The following KCNIP4 variants were observed in gnomAD, a reference collection of about 807,000 sequenced individuals.
KCNIP4 encodes potassium voltage-gated channel interacting protein 4.
A neutral mutation model predicts 34.0 loss-of-function variants in KCNIP4; 12 were observed. The ratio of observed to expected loss-of-function variants is 0.35; its 90% CI spans 0.23 to 0.57. The LOEUF is 0.57. Among genes scored for constraint, KCNIP4 ranks in the 20% least tolerant of loss-of-function variants. KCNIP4 has a pLI of 0.83. For missense variants in KCNIP4, 238 were observed against 311.7 expected (o/e 0.76, Z 1.78); for synonymous variants, 124 against 102.2 (o/e 1.21, Z -1.29).
chr4:21,467,417 T>C (rs1730085791), intron 1 of KCNIP4, among the ~76,000 whole-genome samples: 1 of 152,136 alleles, frequency 6.6e-6, no homozygotes, highest in Non-Finnish European at 1.5e-5. Flanking sequence ...GCAGCCTGCC[T>C]CATTGCTCAC....
At position 21,465,933 on chromosome 4, in the gene KCNIP4, C is replaced by T. The variant is rs1266195019; in HGVS notation, c.61+482638G>A. Among the ~76,000 whole-genome samples the T allele has an allele frequency of 2.0e-5, 3 of 152,134 alleles. No individual in the cohort carries two copies. In the East Asian group the frequency reaches 5.8e-4, roughly 29 times the overall value. ...CCTGCAAACAACGTGTATACTCTTC[C>T]CTGGAGCAAGAACACCAAAGAAGTG... On this transcript the variant is annotated intron_variant, in intron 1 of 8. Transcript: ENST00000382152.
At chr4:21,888,477 G>T (rs1726911908) in intron 1 of KCNIP4, among the ~76,000 whole-genome samples, 1 of 151,952 alleles carries the variant, frequency 6.6e-6, no homozygotes, top group South Asian at 2.1e-4. Flanking sequence ...TAATAATGTT[G>T]CACCCAAAGC....
intron 1 of KCNIP4, among the ~76,000 whole-genome samples, chr4:21,408,377 A>G (rs1386493885): frequency 3.9e-5 from 6 of 152,192 alleles, no homozygotes; most frequent in Admixed American, 3.3e-4. Context: ...GAATGAATTT[A>G]GAGCAACGTA....
chr4:21,795,854 G>A (rs1310470559), intron 1 of KCNIP4, among the ~76,000 whole-genome samples: 2 of 152,100 alleles, frequency 1.3e-5, no homozygotes, highest in East Asian at 1.9e-4. Flanking sequence ...GATCACCTGA[G>A]GCCAGGAGTT....
chr4:20,900,303 A>G (rs561106377), intron 1 of KCNIP4, among the ~76,000 whole-genome samples: 2 of 152,344 alleles, frequency 1.3e-5, no homozygotes, highest in African/African-American at 4.8e-5. Flanking sequence ...TCACTTATAA[A>G]GGAAGAAATG....
At chr4:21,074,299 T>C (rs1338453026) in intron 1 of KCNIP4, among the ~76,000 whole-genome samples, 1 of 152,166 alleles carries the variant, frequency 6.6e-6, no homozygotes, top group Non-Finnish European at 1.5e-5. Flanking sequence ...CTATTAATTA[T>C]TGCCTCAATT....
intron 3 of KCNIP4, among the ~76,000 whole-genome samples, chr4:20,792,953 T>C (rs938745047): frequency 5.9e-5 from 9 of 152,162 alleles, no homozygotes; most frequent in African/African-American, 1.7e-4. Context: ...ACTAAAACTT[T>C]CATGTACATC....
intron 1 of KCNIP4, among the ~76,000 whole-genome samples, chr4:21,443,484 A>T (rs975301700): frequency 6.6e-6 from 1 of 152,250 alleles, no homozygotes; most frequent in Non-Finnish European, 1.5e-5. Flanking sequence ...TAATATTTAA[A>T]TAAGTAGACT....
chr4:21,689,576 C>T (rs894897451), intron 1 of KCNIP4, among the ~76,000 whole-genome samples: 1 of 151,956 alleles, frequency 6.6e-6, no homozygotes, highest in Non-Finnish European at 1.5e-5. Flanking sequence ...AACACATTTT[C>T]AGAATATAAA....
intron 1 of KCNIP4, among the ~76,000 whole-genome samples, chr4:21,265,587 A>G (rs1761750166): frequency 6.6e-6 from 1 of 152,210 alleles, no homozygotes; most frequent in African/African-American, 2.4e-5. Context: ...ATAGGAAATA[A>G]TAGCAACAGA....
chr4:20,946,963 A>G (rs1272574237), intron 1 of KCNIP4, among the ~76,000 whole-genome samples: 2 of 152,052 alleles, frequency 1.3e-5, no homozygotes, highest in African/African-American at 4.8e-5. Flanking sequence ...GAGCCTGCCT[A>G]TATGTATTTT....
intron 1 of KCNIP4, among the ~76,000 whole-genome samples, chr4:21,082,824 T>C (rs922192294): frequency 1.3e-5 from 2 of 151,790 alleles, no homozygotes; most frequent in Admixed American, 1.3e-4. Context: ...AAAATGACTA[T>C]GTGGTGCTCC....
At chr4:21,907,581 A>C (rs1472173700) in intron 1 of KCNIP4, among the ~76,000 whole-genome samples, 3 of 152,122 alleles carry the variant, frequency 2.0e-5, no homozygotes, top group Non-Finnish European at 4.4e-5. Flanking sequence ...TTTATTTAGA[A>C]ATGAACTTTA....
chr4:21,406,435 C>T (rs1424801520), intron 1 of KCNIP4, among the ~76,000 whole-genome samples: 3 of 152,206 alleles, frequency 2.0e-5, no homozygotes, highest in Admixed American at 2.0e-4. Flanking sequence ...CTAGTAACCA[C>T]TGTGTTCCTC....
chr4:20,959,314 A>G (rs1315231100), intron 1 of KCNIP4, among the ~76,000 whole-genome samples: 1 of 152,188 alleles, frequency 6.6e-6, no homozygotes, highest in South Asian at 2.1e-4. Flanking sequence ...TTGCTACCCT[A>G]TAATGTACTT....
intron 1 of KCNIP4, among the ~76,000 whole-genome samples, chr4:21,214,284 A>G (rs6448037): frequency 0.52 from 79,483 of 152,010 alleles, 23,359 homozygotes; most frequent in African/African-American, 0.81. Flanking sequence ...AACTCAGATG[A>G]CATCTCCTTC....
intron 1 of KCNIP4, among the ~76,000 whole-genome samples, chr4:21,290,856 A>G (rs1763406337): frequency 1.3e-5 from 2 of 152,200 alleles, no homozygotes; most frequent in Non-Finnish European, 2.9e-5. Context: ...TAGATGTAAG[A>G]GCACATTACC....
intron 1 of KCNIP4, among the ~76,000 whole-genome samples, chr4:21,702,126 C>A (rs979178832): frequency 2.6e-5 from 4 of 152,168 alleles, no homozygotes; most frequent in African/African-American, 9.6e-5. Flanking sequence ...GTGGCTAAAA[C>A]AACAGACATT....
intron 1 of KCNIP4, among the ~76,000 whole-genome samples, chr4:21,368,004 T>A (rs932076123): frequency 6.8e-6 from 1 of 147,200 alleles, no homozygotes; most frequent in South Asian, 2.1e-4. Context: ...TCTCAACACC[T>A]CTTGCCAGGC....
Sources: gnomAD v4.1 joint callset for allele counts (sites outside exome capture counted in the v4.1 genomes callset) on GRCh38, gnomAD v4.1.1 for gene constraint, MANE v1.5 for transcripts, NCBI Gene and HGNC (gene_info 2026-07-23, HGNC 2026-07-21) for gene names.